Variants in PIWIL2 observed in about 807,000 individuals in gnomAD.
The protein encoded by PIWIL2 is piwi like RNA-mediated gene silencing 2, also known as piwi-like protein 2.
PIWIL2 carries 81 observed loss-of-function variants against 116.5 expected under a neutral mutation model. That is an observed-to-expected ratio of 0.70 (90% CI 0.58 to 0.84). The LOEUF (loss-of-function observed/expected upper bound fraction) is 0.84, where lower values mean the gene tolerates loss of function less well. PIWIL2 is among the 40% of genes least tolerant of loss of function. The probability of loss-of-function intolerance (pLI) is 0.00; values close to 1 mark genes in which losing one functional copy is unlikely to be tolerated. For synonymous variants in PIWIL2, 489 were observed against 429.5 expected, an observed-to-expected ratio of 1.14 and a Z score of -1.71; for missense variants, 1,272 against 1,212.3, an observed-to-expected ratio of 1.05 and a Z score of -0.73.
intron 20 of PIWIL2, among the ~76,000 whole-genome samples, chr8:22,320,189 C>G (rs982068410): frequency 6.6e-6 from 1 of 151,430 alleles, no homozygotes; most frequent in African/African-American, 2.4e-5. Flanking sequence ...TCTTGAACTC[C>G]TGACCTCATG....
intron 10 of PIWIL2, among the ~76,000 whole-genome samples, chr8:22,303,096 G>A (rs778323970): frequency 6.6e-6 from 1 of 152,168 alleles, no homozygotes; most frequent in Non-Finnish European, 1.5e-5. Flanking sequence ...GAATAGACTG[G>A]TAGTTACCAG....
At position 22,304,121 on chromosome 8, in the gene PIWIL2, C is replaced by T. The variant is rs199877180; in HGVS notation, c.1282C>T (p.Arg428Cys). ...CACCCGATATAACAATCGTACCTAT[C>T]GTATTGATGATGTGGATTGGAATAA... ...VITRYNNRTY[R>C]IDDVDWNKTP... Residue 428 changes from arginine (R) to cysteine (C), a missense_variant, in exon 11 of 23, where the codon CGT (arginine) becomes TGT (cysteine). Physicochemically the swap from Arg to Cys is radical, Grantham distance 180 (BLOSUM62 -3). Coordinates refer to ENST00000356766, the MANE Select transcript of PIWIL2 (RefSeq NM_018068.5). 9.9e-6 allele frequency: 16 copies of T among 1,611,046 alleles called. No individual in the cohort carries two copies. Among genetic ancestry groups the T allele is most frequent in the African/African-American group, 5.3e-5 (4 of 74,814 alleles).
chr8:22,279,668 C>A, intron 2 of PIWIL2, 84 bp downstream of exon 2: 1 of 1,303,580 alleles, frequency 7.7e-7, no homozygotes, highest in Non-Finnish European at 1.1e-6. Context: ...AAAGTGCTTG[C>A]AGGGCTGGGC....
intron 7 of PIWIL2, among the ~76,000 whole-genome samples, chr8:22,287,857 C>T (rs546296139): frequency 1.6e-4 from 25 of 152,216 alleles, no homozygotes; most frequent in African/African-American, 4.6e-4. Context: ...CCTGTATGTT[C>T]GAGTTGTGCT....
At chr8:22,295,934 G>A (rs1830889224) in intron 10 of PIWIL2, among the ~76,000 whole-genome samples, 1 of 149,828 alleles carries the variant, frequency 6.7e-6, no homozygotes, top group Non-Finnish European at 1.5e-5. Flanking sequence ...TCTTAGAAAT[G>A]TCTGTTAGAA....
chr8:22,297,452 A>G (rs1405509087), intron 10 of PIWIL2, among the ~76,000 whole-genome samples: 7 of 152,114 alleles, frequency 4.6e-5, no homozygotes, highest in African/African-American at 7.2e-5. Flanking sequence ...TGACAAATCA[A>G]TCACCAGTGA....
intron 22 of PIWIL2, among the ~76,000 whole-genome samples, chr8:22,355,100 AC>A (rs200448171): frequency 0.012 from 1,853 of 151,274 alleles, 38 homozygotes; most frequent in African/African-American, 0.043. Flanking sequence ...AACAACAACA[AC>A]AAAAAAAAAA....
At chr8:22,294,426 A>G (rs1221247853) in intron 10 of PIWIL2, among the ~76,000 whole-genome samples, 3 of 149,680 alleles carry the variant, frequency 2.0e-5, no homozygotes, top group Non-Finnish European at 3.0e-5. Flanking sequence ...CAGATCATGA[A>G]GTCAGGCGAT....
At chr8:22,308,156 A>T in intron 14 of PIWIL2, 83 bp downstream of exon 14, 1 of 1,106,344 alleles carries the variant, frequency 9.0e-7, no homozygotes, top group Non-Finnish European at 1.3e-6. Context: ...TGTTGTCAGT[A>T]TATTTTGAAT....
chr8:22,309,846 C>G, intron 14 of PIWIL2, 115 bp from the exon 15 acceptor site: 1 of 604,220 alleles, frequency 1.7e-6, no homozygotes, highest in Non-Finnish European at 3.0e-6. Context: ...CTCAAAAGTT[C>G]TAACAGGGAC....
intron 10 of PIWIL2, among the ~76,000 whole-genome samples, chr8:22,301,258 A>G (rs1426626656): frequency 6.6e-6 from 1 of 152,124 alleles, no homozygotes. Flanking sequence ...GATGTGAGCC[A>G]TCACACCCGG....
chr8:22,354,134 C>G (rs1291780926), intron 21 of PIWIL2, 137 bp from the exon 22 acceptor site: 10 of 627,610 alleles, frequency 1.6e-5, no homozygotes, highest in Non-Finnish European at 2.9e-6. Context: ...TAATCCTGGT[C>G]TGGCCTCTGT....
At chr8:22,284,633 A>G (rs1333906176) in intron 6 of PIWIL2, among the ~76,000 whole-genome samples, 4 of 122,978 alleles carry the variant, frequency 3.3e-5, no homozygotes, top group Non-Finnish European at 6.8e-5. Flanking sequence ...TTCTTAAAGA[A>G]CCCTCCCCCC....
intron 4 of PIWIL2, 100 bp downstream of exon 4, chr8:22,281,615 A>T: frequency 1.0e-6 from 1 of 991,348 alleles, no homozygotes; most frequent in Admixed American, 3.2e-5. Flanking sequence ...TCTCATAATC[A>T]ATGTCTGGTT....
In PIWIL2 at chr8:22,316,889, G is replaced by A. The variant is rs557059970; in HGVS notation, c.2297+556G>A. ...TGCAACCTCAACCTCCCTGGGTTTT[G>A]GTGATCCTCCCACCTCAGCCTCCCG... On this transcript the variant is annotated intron_variant, in intron 19 of 22. Transcript: ENST00000356766. 5.8e-4 allele frequency among the ~76,000 whole-genome samples: 88 copies of A among 151,212 alleles called. 1 individual carries two copies. Among genetic ancestry groups the A allele is most frequent in the African/African-American group, 1.8e-3 (76 of 41,168 alleles).
intron 20 of PIWIL2, among the ~76,000 whole-genome samples, chr8:22,348,456 G>A (rs1211267325): frequency 6.6e-6 from 1 of 151,954 alleles, no homozygotes; most frequent in African/African-American, 2.4e-5. Context: ...CCTCTGCGCA[G>A]TGCTAAGGGA....
intron 20 of PIWIL2, among the ~76,000 whole-genome samples, chr8:22,338,519 C>T (rs1182272515): frequency 6.6e-6 from 1 of 151,994 alleles, no homozygotes. Flanking sequence ...GGCAAAACCC[C>T]ATCTCTACTA....
At chr8:22,331,650 A>T (rs1230401583) in intron 20 of PIWIL2, among the ~76,000 whole-genome samples, 1 of 152,176 alleles carries the variant, frequency 6.6e-6, no homozygotes, top group East Asian at 1.9e-4. Context: ...GCTACAAATG[A>T]CATAACAAAG....
At chr8:22,290,618 T>TC (rs1162740042) in intron 10 of PIWIL2, among the ~76,000 whole-genome samples, 3 of 139,592 alleles carry the variant, frequency 2.1e-5, no homozygotes, top group African/African-American at 8.0e-5. Flanking sequence ...TTTTAATTTT[T>TC]TTTTTTTTTT....
Sources: allele counts gnomAD v4.1 joint callset (sites outside exome capture counted in the v4.1 genomes callset), GRCh38; gene constraint gnomAD v4.1.1; transcripts MANE v1.5; gene names NCBI Gene and HGNC (gene_info 2026-07-23, HGNC 2026-07-21).